The following SBF2 variants were observed in gnomAD, a reference collection of about 807,000 sequenced individuals.
SBF2 encodes SET binding factor 2.
Under a neutral mutation model 225.2 loss-of-function variants are expected in SBF2, and 112 were observed. The ratio of observed to expected loss-of-function variants is 0.50; its 90% CI spans 0.43 to 0.58. SBF2 has a LOEUF of 0.58. Among genes scored for constraint, SBF2 ranks in the 20% least tolerant of loss-of-function variants. The pLI, the probability that SBF2 is intolerant of heterozygous loss-of-function variation, is 0.00. For synonymous variants in SBF2, 763 were observed against 773.3 expected, an observed-to-expected ratio of 0.99 and a Z score of 0.22; for missense variants, 1,996 against 2,206.2, an observed-to-expected ratio of 0.90 and a Z score of 1.91.
chr11:10,022,783 G>A (rs761248500), intron 6 of SBF2, among the ~76,000 whole-genome samples: 15 of 152,152 alleles, frequency 9.9e-5, no homozygotes, highest in Admixed American at 5.2e-4. Flanking sequence ...TCAATCTCGA[G>A]GTTGAGGAAC....
intron 12 of SBF2, among the ~76,000 whole-genome samples, chr11:9,990,784 G>A (rs1288450570): frequency 6.6e-6 from 1 of 152,170 alleles, no homozygotes; most frequent in African/African-American, 2.4e-5. Flanking sequence ...TATAAAGTTA[G>A]AGACAAAATG....
At position 10,294,032 on chromosome 11, in the gene SBF2, T is replaced by C; in HGVS notation, c.38A>G (p.Tyr13Cys). Residue 13 changes from tyrosine to cysteine, a missense_variant, in exon 1 of 40, where the codon TAT (tyrosine) becomes TGT (cysteine). Transcript: ENST00000256190. ...RLADYFIVVG[Y>C]DHEKPGSGEG... ...ACCCTTACCTGGCTTCTCGTGGTCA[T>C]AGCCTACCACGATGAAGTAGTCAGC... 1 of 1,404,512 alleles carries C rather than the reference T, an allele frequency of 7.1e-7. No homozygotes were observed. Among genetic ancestry groups the C allele is most frequent in the Non-Finnish European group, 9.3e-7 (1 of 1,073,012 alleles). The allele number at this position is 1,404,512 out of a possible 1,614,324, so 87.0% of individuals were successfully genotyped here. A position where few individuals can be genotyped will look rare whatever the true frequency, so the allele number is the denominator to read the frequency against.
chr11:9,910,890 CA>C (rs68011518), intron 16 of SBF2, among the ~76,000 whole-genome samples: 1,623 of 93,570 alleles, frequency 0.017, 34 homozygotes, highest in African/African-American at 0.064. Flanking sequence ...TACTAAAATA[CA>C]AAAAAAAAAA....
chr11:10,193,807 ATTAT>A (rs1467729379), intron 2 of SBF2, 91 bp downstream of exon 2: 9 of 875,378 alleles, frequency 1.0e-5, no homozygotes, highest in Non-Finnish European at 1.7e-5. Context: ...AAATTATCAA[ATTAT>A]TTAACAGCAA....
At chr11:10,004,596 C>CAAAA (rs1162791020) in intron 6 of SBF2, among the ~76,000 whole-genome samples, 2 of 124,388 alleles carry the variant, frequency 1.6e-5, no homozygotes, top group Non-Finnish European at 3.2e-5. Flanking sequence ...AAAAAAAAAA[C>CAAAA]AAACTACATA....
rs1962914491 is a variant in SBF2, at chr11:10,275,815, A to T, written c.55+18200T>A. Reference sequence around the variant, plus strand: ...CTATCCATTTTTAATCATACCTACCAGTGAGAGTCTACTAGGTGACTTCTT... The same window carrying T: ...CTATCCATTTTTAATCATACCTACCTGTGAGAGTCTACTAGGTGACTTCTT... On this transcript the variant is annotated intron_variant, in intron 1 of 39. Transcript: ENST00000256190. Among the ~76,000 whole-genome samples, 3 of 152,144 alleles carry T rather than the reference A, an allele frequency of 2.0e-5. No homozygotes were observed. In the South Asian group the frequency reaches 6.2e-4, roughly 31 times the overall value.
intron 1 of SBF2, among the ~76,000 whole-genome samples, chr11:10,256,650 A>G (rs2135500805): frequency 6.6e-6 from 1 of 152,294 alleles, no homozygotes; most frequent in South Asian, 2.1e-4. Flanking sequence ...TCCTCATTAG[A>G]TAAATTCAGA....
intron 16 of SBF2, among the ~76,000 whole-genome samples, chr11:9,930,829 G>A (rs556337895): frequency 4.6e-5 from 7 of 152,352 alleles, no homozygotes; most frequent in African/African-American, 1.7e-4. Flanking sequence ...GAGATTGGGG[G>A]ATTTCCCTTT....
intron 2 of SBF2, among the ~76,000 whole-genome samples, chr11:10,095,920 C>G (rs1031917033): frequency 6.6e-6 from 1 of 152,142 alleles, no homozygotes; most frequent in Non-Finnish European, 1.5e-5. Context: ...ATCAGAAGAA[C>G]ATACCTAAAT....
At chr11:9,918,225 C>T (rs1183184794) in intron 16 of SBF2, among the ~76,000 whole-genome samples, 1 of 152,196 alleles carries the variant, frequency 6.6e-6, no homozygotes, top group Admixed American at 6.5e-5. Context: ...TGGCTATAAC[C>T]TTTACTCCTA....
chr11:10,068,498 T>A (rs1007391450), intron 2 of SBF2, among the ~76,000 whole-genome samples: 4 of 152,170 alleles, frequency 2.6e-5, no homozygotes, highest in African/African-American at 4.8e-5. Context: ...GATTCTAGAA[T>A]AAAAGACATA....
intron 16 of SBF2, among the ~76,000 whole-genome samples, chr11:9,898,692 A>C (rs571364556): frequency 6.6e-6 from 1 of 152,138 alleles, no homozygotes; most frequent in Non-Finnish European, 1.5e-5. Flanking sequence ...TTATAAGATA[A>C]ATCTCAGCAG....
chr11:9,998,968 G>C (rs1947827073), intron 8 of SBF2, among the ~76,000 whole-genome samples: 1 of 152,130 alleles, frequency 6.6e-6, no homozygotes, highest in Non-Finnish European at 1.5e-5. Context: ...AAGTAGTTTA[G>C]TAATATTCTA....
At chr11:10,125,935 G>A (rs1200817575) in intron 2 of SBF2, among the ~76,000 whole-genome samples, 5 of 152,130 alleles carry the variant, frequency 3.3e-5, no homozygotes, top group South Asian at 2.1e-4. Context: ...ACTGTGTTAC[G>A]GATTTAGGGG....
At chr11:10,128,502 G>C (rs972827563) in intron 2 of SBF2, among the ~76,000 whole-genome samples, 1 of 152,130 alleles carries the variant, frequency 6.6e-6, no homozygotes, top group Non-Finnish European at 1.5e-5. Flanking sequence ...TTTTTACAAA[G>C]GTAACCACAG....
At chr11:10,291,941 G>C (rs567808530) in intron 1 of SBF2, among the ~76,000 whole-genome samples, 11 of 152,308 alleles carry the variant, frequency 7.2e-5, no homozygotes, top group African/African-American at 2.6e-4. Flanking sequence ...GTGCATATTC[G>C]TATGTATCTA....
chr11:10,267,384 G>A (rs1342928933), intron 1 of SBF2, among the ~76,000 whole-genome samples: 2 of 151,874 alleles, frequency 1.3e-5, no homozygotes, highest in East Asian at 1.9e-4. Flanking sequence ...ATAGTAATCC[G>A]AGTAAGAACT....
At chr11:9,900,486 C>T (rs546578741) in intron 16 of SBF2, among the ~76,000 whole-genome samples, 297 of 152,224 alleles carry the variant, frequency 2.0e-3, no homozygotes, top group Non-Finnish European at 3.7e-3. Context: ...ATTAGCCAAT[C>T]GGAATTAGTT....
At chr11:10,146,014 C>A (rs924348726) in intron 2 of SBF2, among the ~76,000 whole-genome samples, 1 of 152,014 alleles carries the variant, frequency 6.6e-6, no homozygotes, top group Non-Finnish European at 1.5e-5. Flanking sequence ...ATACAGCTAA[C>A]CAGGAAGGTG....
Sources: gnomAD v4.1 joint callset for allele counts (sites outside exome capture counted in the v4.1 genomes callset) on GRCh38, gnomAD v4.1.1 for gene constraint, MANE v1.5 for transcripts, NCBI Gene and HGNC (gene_info 2026-07-23, HGNC 2026-07-21) for gene names.